Variants in DENND5A observed in about 807,000 individuals in gnomAD.
The protein encoded by DENND5A is DENN domain-containing protein 5A.
In DENND5A, 64 loss-of-function variants were observed where a neutral mutation model predicts 140.3. The observed-to-expected ratio is 0.46, with a 90% confidence interval of 0.37 to 0.56. The LOEUF (loss-of-function observed/expected upper bound fraction) is 0.56, where lower values mean the gene tolerates loss of function less well. DENND5A is among the 20% of genes least tolerant of loss of function. DENND5A has a pLI of 0.00. For synonymous variants in DENND5A, 605 were observed against 607.7 expected, an observed-to-expected ratio of 1.00 and a Z score of 0.07; for missense variants, 1,292 against 1,593.8, an observed-to-expected ratio of 0.81 and a Z score of 3.22.
At chr11:9,186,799 A>G (rs1214344705) in intron 5 of DENND5A, among the ~76,000 whole-genome samples, 4 of 152,128 alleles carry the variant, frequency 2.6e-5, no homozygotes, top group African/African-American at 9.7e-5. Flanking sequence ...GTTTTAAAAG[A>G]GCCGGGTGCG....
intron 1 of DENND5A, among the ~76,000 whole-genome samples, chr11:9,237,966 A>G (rs959916472): frequency 6.6e-6 from 1 of 152,224 alleles, no homozygotes; most frequent in Non-Finnish European, 1.5e-5. Flanking sequence ...GTGTGTAAAA[A>G]TAAGTGTACA....
chr11:9,229,083 C>A (rs75108873), intron 1 of DENND5A, among the ~76,000 whole-genome samples: 1 of 152,100 alleles, frequency 6.6e-6, no homozygotes, highest in East Asian at 1.9e-4. Flanking sequence ...AAGCACTTAA[C>A]CTGTGGAGTG....
intron 1 of DENND5A, among the ~76,000 whole-genome samples, chr11:9,215,976 T>C (rs1176203516): frequency 5.7e-4 from 86 of 152,104 alleles, no homozygotes; most frequent in Admixed American, 5.4e-3. Context: ...CTCCAGAAAA[T>C]TGGGCTTAAG....
At chr11:9,200,932 G>C (rs1196744762) in intron 4 of DENND5A, among the ~76,000 whole-genome samples, 3 of 152,114 alleles carry the variant, frequency 2.0e-5, no homozygotes, top group Non-Finnish European at 2.9e-5. Context: ...TTAGTGCTTG[G>C]AATCCATCAA....
chr11:9,236,950 T>C (rs1283796428), intron 1 of DENND5A, among the ~76,000 whole-genome samples: 1 of 151,990 alleles, frequency 6.6e-6, no homozygotes, highest in East Asian at 1.9e-4. Context: ...TTAGAACACA[T>C]ACAACAAAAT....
At chr11:9,148,056 A>G (rs1847491270) in intron 15 of DENND5A, among the ~76,000 whole-genome samples, 1 of 152,230 alleles carries the variant, frequency 6.6e-6, no homozygotes, top group South Asian at 2.1e-4. Flanking sequence ...GAAAGCGCCT[A>G]TCCTCAAATG....
At chr11:9,170,544 A>AG in intron 9 of DENND5A, 83 bp downstream of exon 9, 2 of 1,523,870 alleles carry the variant, frequency 1.3e-6, no homozygotes, top group South Asian at 2.3e-5. Context: ...AAGGTCTTCT[A>AG]GGGGTAACAG....
intron 1 of DENND5A, among the ~76,000 whole-genome samples, chr11:9,230,406 A>G (rs554423299): frequency 1.3e-5 from 2 of 151,444 alleles, no homozygotes; most frequent in East Asian, 3.9e-4. Context: ...ACGCCAGGCT[A>G]ATTTTTAAAA....
At chr11:9,210,578 C>CT (rs1472274669) in intron 1 of DENND5A, among the ~76,000 whole-genome samples, 1 of 152,192 alleles carries the variant, frequency 6.6e-6, no homozygotes, top group Non-Finnish European at 1.5e-5. Context: ...AGGTCACACT[C>CT]TGTTGCCCAG....
chr11:9,161,739 C>G (rs1471946687), intron 11 of DENND5A, among the ~76,000 whole-genome samples: 1 of 152,044 alleles, frequency 6.6e-6, no homozygotes, highest in East Asian at 1.9e-4. Flanking sequence ...CTCATTTAAG[C>G]CTCCTAACAA....
rs527322692 is a variant in DENND5A, at chr11:9,192,395, A to G, written c.1137+1099T>C. 7.2e-5 allele frequency among the ~76,000 whole-genome samples: 11 copies of G among 152,260 alleles called. No individual in the cohort carries two copies. The South Asian group carries it at 8.3e-4, about 11-fold the overall frequency. On this transcript the variant is annotated intron_variant, in intron 5 of 22. Coordinates refer to ENST00000328194, the MANE Select transcript of DENND5A (RefSeq NM_015213.4). ...TGTAATCCCAGCACTTTGGGAGGCC[A>G]AGGCGGGTGGATCATGAGGTCAGGC...
chr11:9,242,596 C>T (rs988287729), intron 1 of DENND5A: 1 of 152,196 alleles, frequency 6.6e-6, no homozygotes, highest in Non-Finnish European at 1.5e-5. Flanking sequence ...TTCAAACTCT[C>T]TGCACTTTAG....
Position 9,170,628 on chromosome 11 carries a change from T to C in DENND5A, c.2056A>G (p.Lys686Glu). The C allele has an allele frequency of 6.2e-7, 1 of 1,613,752 alleles. No individual in the cohort carries two copies. Among genetic ancestry groups the C allele is most frequent in the Non-Finnish European group, 8.5e-7 (1 of 1,179,942 alleles). Residue 686 changes from lysine to glutamate, a missense_variant and splice_region_variant, in exon 9 of 23, where the codon AAG becomes GAG. By Grantham distance (56) the Lys-to-Glu change is moderately conservative. Coordinates refer to ENST00000328194, the MANE Select transcript of DENND5A (RefSeq NM_015213.4). ...DVLSTGPASNKWTKRNAPAQW... is the reference protein window; with the variant it reads ...DVLSTGPASNEWTKRNAPAQW... ...AGTGAATCCCTGGGGTTGACTCACT[T>C]GTTGCTGGCTGGCCCAGTGGAAAGT...
intron 1 of DENND5A, among the ~76,000 whole-genome samples, chr11:9,256,275 C>T (rs566021809): frequency 2.6e-4 from 40 of 152,156 alleles, no homozygotes; most frequent in Non-Finnish European, 4.0e-4. Flanking sequence ...GCCTGGCCAA[C>T]GTGGTGAAAC....
At chr11:9,233,169 G>C (rs1461023566) in intron 1 of DENND5A, among the ~76,000 whole-genome samples, 1 of 152,100 alleles carries the variant, frequency 6.6e-6, no homozygotes, top group Non-Finnish European at 1.5e-5. Context: ...GGGAAGCCGA[G>C]GCAGGCGGAT....
At chr11:9,171,554 A>G (rs755011041) in intron 8 of DENND5A, 1 of 152,228 alleles carries the variant, frequency 6.6e-6, no homozygotes, top group Non-Finnish European at 1.5e-5. Flanking sequence ...TAAAATTCAC[A>G]GTGTCTGGCA....
intron 1 of DENND5A, chr11:9,242,668 AAAAAAACAAC>A (rs1851284335): frequency 6.6e-6 from 1 of 152,160 alleles, no homozygotes; most frequent in Non-Finnish European, 1.5e-5. Context: ...TGTATTCAAT[AAAAAAACAAC>A]CATTAACTTA....
intron 18 of DENND5A, 69 bp from the exon 19 acceptor site, chr11:9,144,347 C>T (rs1164343774): frequency 6.7e-7 from 1 of 1,499,784 alleles, no homozygotes; most frequent in African/African-American, 1.4e-5. Flanking sequence ...GAGCCATCAA[C>T]AAAGCCAATC....
chr11:9,228,784 T>C (rs952462318), intron 1 of DENND5A, among the ~76,000 whole-genome samples: 3 of 151,908 alleles, frequency 2.0e-5, no homozygotes, highest in Non-Finnish European at 4.4e-5. Flanking sequence ...CACTTAAGTA[T>C]TGCAGAATGG....
Sources: gnomAD v4.1 joint callset for allele counts (sites outside exome capture counted in the v4.1 genomes callset) on GRCh38, gnomAD v4.1.1 for gene constraint, MANE v1.5 for transcripts, NCBI Gene and HGNC (gene_info 2026-07-23, HGNC 2026-07-21) for gene names.